The following PXDNL variants were observed in gnomAD, a reference collection of about 807,000 sequenced individuals.
The protein encoded by PXDNL is peroxidasin like, also known as probable oxidoreductase PXDNL.
Under a neutral mutation model 150.8 loss-of-function variants are expected in PXDNL, and 145 were observed. The observed-to-expected ratio is 0.96, with a 90% CI of 0.84 to 1.10. The LOEUF is 1.10. Ranked by LOEUF, PXDNL falls within the 50% of genes least tolerant of loss-of-function variation. PXDNL has a pLI of 0.00. For missense variants in PXDNL, 2,087 were observed against 1,873.9 expected (o/e 1.11, Z -2.10); for synonymous variants, 757 against 725.7 (o/e 1.04, Z -0.69).
chr8:51,523,169 G>A (rs919114457), intron 4 of PXDNL, among the ~76,000 whole-genome samples: 2 of 152,176 alleles, frequency 1.3e-5, no homozygotes, highest in Non-Finnish European at 2.9e-5. Context: ...TATCTATGAT[G>A]TGTCTAAAGA....
chr8:51,513,970 T>C (rs2130356063), intron 4 of PXDNL, among the ~76,000 whole-genome samples: 1 of 152,348 alleles, frequency 6.6e-6, no homozygotes, highest in African/African-American at 2.4e-5. Context: ...TTGTTTCTCC[T>C]CTATTTCCAT....
At chr8:51,629,439 T>C (rs1814441782) in intron 2 of PXDNL, among the ~76,000 whole-genome samples, 2 of 151,806 alleles carry the variant, frequency 1.3e-5, no homozygotes, top group Admixed American at 6.6e-5. Flanking sequence ...CTATCAAGCA[T>C]GTTAACATAC....
At chr8:51,441,495 C>T (rs936012020) in intron 12 of PXDNL, among the ~76,000 whole-genome samples, 2 of 152,088 alleles carry the variant, frequency 1.3e-5, no homozygotes, top group African/African-American at 4.8e-5. Context: ...CAGCAGAGAA[C>T]TAGAAAGCAA....
At chr8:51,743,347 A>T (rs2036927716) in intron 1 of PXDNL, among the ~76,000 whole-genome samples, 1 of 151,858 alleles carries the variant, frequency 6.6e-6, no homozygotes, top group Admixed American at 6.5e-5. Flanking sequence ...CCTCCTGAGT[A>T]GTTGGGATTA....
At chr8:51,378,885 C>T (rs1807446490) in intron 17 of PXDNL, among the ~76,000 whole-genome samples, 1 of 152,212 alleles carries the variant, frequency 6.6e-6, no homozygotes, top group Non-Finnish European at 1.5e-5. Flanking sequence ...ACTCTGGACA[C>T]ATCACCTTTA....
chr8:51,791,920 T>C (rs767074167), intron 1 of PXDNL, among the ~76,000 whole-genome samples: 2 of 152,314 alleles, frequency 1.3e-5, no homozygotes, highest in East Asian at 1.9e-4. Context: ...AATCTGATGA[T>C]GTCCCACTTA....
chr8:51,423,912 A>C (rs1471718466), intron 13 of PXDNL, among the ~76,000 whole-genome samples, 181 bp from the exon 14 acceptor site: 1 of 152,190 alleles, frequency 6.6e-6, no homozygotes. Flanking sequence ...AGAGGTTTCT[A>C]GGAAGTGTGG....
chr8:51,714,420 A>G (rs1377634012), intron 1 of PXDNL, among the ~76,000 whole-genome samples: 2 of 152,220 alleles, frequency 1.3e-5, no homozygotes, highest in Non-Finnish European at 2.9e-5. Context: ...GTACATCTAG[A>G]GCAAACAGAC....
chr8:51,347,110 C>T (rs915821634), intron 19 of PXDNL, among the ~76,000 whole-genome samples: 2 of 152,012 alleles, frequency 1.3e-5, no homozygotes, highest in Admixed American at 6.5e-5. Flanking sequence ...GATAACAACC[C>T]GAGAGCATCT....
chr8:51,504,421 A>G (rs1264343392), intron 4 of PXDNL, among the ~76,000 whole-genome samples: 2 of 151,664 alleles, frequency 1.3e-5, no homozygotes, highest in African/African-American at 4.8e-5. Context: ...TACCTGCCAT[A>G]CTCCTGCCTA....
chr8:51,802,075 T>C (rs895770814), intron 1 of PXDNL, among the ~76,000 whole-genome samples: 2 of 152,174 alleles, frequency 1.3e-5, no homozygotes, highest in Admixed American at 6.5e-5. Flanking sequence ...CTGTAGCATT[T>C]GTGGTTAAAT....
In PXDNL at chr8:51,475,963, G is replaced by A. The variant is rs556491052; in HGVS notation, c.525-822C>T. On this transcript the variant is annotated intron_variant, in intron 6 of 22. Coordinates refer to ENST00000356297, the MANE Select transcript of PXDNL (RefSeq NM_144651.5). The stretch of plus-strand genomic sequence containing the variant: ...AATTTTTTAGTTAGCCAAGCATGGT[G>A]GCACCCACCTATAGTCCCAGCCACT... Among the ~76,000 whole-genome samples, 3 of 152,210 alleles carry A rather than the reference G, an allele frequency of 2.0e-5. No homozygotes were observed. The South Asian group carries it at 6.2e-4, about 32-fold the overall frequency.
chr8:51,790,223 C>G (rs765092938), intron 1 of PXDNL, among the ~76,000 whole-genome samples: 1 of 148,268 alleles, frequency 6.7e-6, no homozygotes. Context: ...TTTTTTTGCA[C>G]AAACCTCCAT....
chr8:51,378,859 A>G (rs1447421345), intron 17 of PXDNL, among the ~76,000 whole-genome samples: 1 of 152,148 alleles, frequency 6.6e-6, no homozygotes, highest in Non-Finnish European at 1.5e-5. Flanking sequence ...ACATGTTCGA[A>G]CATCAGAAGG....
Position 51,349,851 on chromosome 8 carries a change from T to C in PXDNL, c.3902-3904A>G, listed in dbSNP as rs183657116. ...AGATTAAAAATATGTCAAAATTGATTTTTCAAATTGGCAAAAATATATCTG... is the reference window on the plus strand; with the variant it reads ...AGATTAAAAATATGTCAAAATTGATCTTTCAAATTGGCAAAAATATATCTG... On this transcript the variant is annotated intron_variant, in intron 19 of 22. Coordinates refer to ENST00000356297, the MANE Select transcript of PXDNL (RefSeq NM_144651.5). Among the ~76,000 whole-genome samples the C allele has an allele frequency of 3.1e-4, 47 of 152,318 alleles. No homozygotes were observed. In the East Asian group the frequency reaches 8.7e-3, roughly 28 times the overall value.
At chr8:51,477,857 T>G (rs949884348) in intron 6 of PXDNL, among the ~76,000 whole-genome samples, 10 of 152,184 alleles carry the variant, frequency 6.6e-5, no homozygotes, top group African/African-American at 2.4e-4. Context: ...TGGTAATAAC[T>G]GAGCACAAGA....
chr8:51,372,482 T>A (rs1807154367), intron 18 of PXDNL, among the ~76,000 whole-genome samples: 1 of 152,238 alleles, frequency 6.6e-6, no homozygotes, highest in African/African-American at 2.4e-5. Context: ...CCTCCCGAGT[T>A]CACGCAACTC....
intron 3 of PXDNL, among the ~76,000 whole-genome samples, chr8:51,568,548 C>A (rs187775259): frequency 1.4e-4 from 21 of 151,882 alleles, no homozygotes; most frequent in Admixed American, 5.3e-4. Flanking sequence ...GTCTGTTTTT[C>A]TGCAATGTGA....
intron 1 of PXDNL, among the ~76,000 whole-genome samples, chr8:51,708,543 A>C (rs1052372209): frequency 6.6e-6 from 1 of 152,254 alleles, no homozygotes; most frequent in Non-Finnish European, 1.5e-5. Flanking sequence ...AGAGAAGTGA[A>C]GTACATCAGC....
Sources: gnomAD v4.1 joint callset for allele counts (sites outside exome capture counted in the v4.1 genomes callset) on GRCh38, gnomAD v4.1.1 for gene constraint, MANE v1.5 for transcripts, NCBI Gene and HGNC (gene_info 2026-07-23, HGNC 2026-07-21) for gene names.